The following DNAH7 variants were observed in gnomAD, a reference collection of about 807,000 sequenced individuals.
DNAH7 encodes dynein axonemal heavy chain 7, also known as axonemal beta dynein heavy chain 7.
Under a neutral mutation model 444.6 loss-of-function variants are expected in DNAH7, and 397 were observed. The ratio of observed to expected loss-of-function variants is 0.89; its 90% CI spans 0.82 to 0.97. DNAH7 has a LOEUF of 0.97. Ranked by LOEUF, DNAH7 falls within the 50% of genes least tolerant of loss-of-function variation. The pLI is 0.00. For missense variants in DNAH7, 4,902 were observed against 4,800.8 expected (o/e 1.02, Z -0.62); for synonymous variants, 1,636 against 1,624.4 (o/e 1.01, Z -0.17).
chr2:195,875,843 C>T lies in DNAH7; in HGVS notation c.6118G>A (p.Val2040Ile). The T allele has an allele frequency of 6.3e-7, 1 of 1,597,506 alleles. No homozygotes were observed. Among genetic ancestry groups the T allele is most frequent in the Non-Finnish European group, 8.5e-7 (1 of 1,174,542 alleles). The change falls in exon 38 of 65, where the codon GTT becomes ATT. Residue 2040 changes from valine to isoleucine, a missense_variant and splice_region_variant. Coordinates refer to ENST00000312428, the MANE Select transcript of DNAH7 (RefSeq NM_018897.3). ...VFGPPLGKRM[V>I]VFVDDVNMPA... Reference sequence around the variant, plus strand: ...ATATTGACATCATCTACAAAGACAACCTGAGAATGAGAAGAGAAGAGGTAC... The same window carrying T: ...ATATTGACATCATCTACAAAGACAATCTGAGAATGAGAAGAGAAGAGGTAC...
At chr2:195,945,643 G>A (rs16842717) in intron 19 of DNAH7, among the ~76,000 whole-genome samples, 24,065 of 152,072 alleles carry the variant, frequency 0.16, 2,322 homozygotes, top group African/African-American at 0.27. Flanking sequence ...CTAGATAGAG[G>A]TGAAATGCTT....
intron 48 of DNAH7, 129 bp from the exon 49 acceptor site, chr2:195,824,574 T>C: frequency 3.8e-6 from 3 of 789,634 alleles, no homozygotes; most frequent in Non-Finnish European, 5.6e-6. Context: ...AAAATTACTT[T>C]TGTCTTCTGA....
chr2:195,795,464 G>C (rs1276504312), intron 56 of DNAH7, among the ~76,000 whole-genome samples: 2 of 152,174 alleles, frequency 1.3e-5, no homozygotes, highest in Admixed American at 1.3e-4. Context: ...ATGATAAAAA[G>C]AATAGTTTTT....
intron 60 of DNAH7, among the ~76,000 whole-genome samples, chr2:195,772,231 G>A (rs1380707554): frequency 6.6e-6 from 1 of 152,214 alleles, no homozygotes; most frequent in African/African-American, 2.4e-5. Flanking sequence ...TGGTGGAGTG[G>A]CCAAGCGATG....
At chr2:195,836,754 A>G (rs1698395690) in intron 47 of DNAH7, among the ~76,000 whole-genome samples, 1 of 152,214 alleles carries the variant, frequency 6.6e-6, no homozygotes, top group Admixed American at 6.5e-5. Flanking sequence ...TTTTAGAAAT[A>G]TATTTTTAAG....
intron 46 of DNAH7, 27 bp downstream of exon 46, chr2:195,853,316 A>G: frequency 6.3e-7 from 1 of 1,595,270 alleles, no homozygotes; most frequent in Admixed American, 1.7e-5. Context: ...GCAGAGGGTC[A>G]GGAAGAGATG....
chr2:195,931,897 G>C (rs2125395112), intron 21 of DNAH7, among the ~76,000 whole-genome samples: 1 of 152,226 alleles, frequency 6.6e-6, no homozygotes, highest in East Asian at 1.9e-4. Flanking sequence ...GATTGACTTG[G>C]CAATGTGGGC....
chr2:195,771,763 T>C lies in DNAH7; in HGVS notation c.11330A>G (p.Tyr3777Cys), dbSNP rs1443573814. Residue 3777 changes from tyrosine to cysteine, a missense_variant, in exon 61 of 65, where the codon TAT becomes TGT. Transcript: ENST00000312428. ...EAAMRRYPTTYTQSMNTVLVQ... is the reference protein window; with the variant it reads ...EAAMRRYPTTCTQSMNTVLVQ... ...AAGTACAGTGTTCATGCTCTGAGTA[T>C]AAGTTGTTGGGTACCTCCTCATGGC... 2.5e-6 allele frequency: 4 copies of C among 1,614,038 alleles called. No individual in the cohort carries two copies. The highest frequency in any genetic ancestry group is 1.6e-4 in the Middle Eastern group (1 of 6,084).
intron 19 of DNAH7, among the ~76,000 whole-genome samples, chr2:195,941,723 C>T (rs1322566743): frequency 6.6e-6 from 1 of 151,968 alleles, no homozygotes; most frequent in East Asian, 1.9e-4. Context: ...CTCATTAAAC[C>T]TTTTGCACTT....
Position 195,881,814 on chromosome 2 carries a change from C to T in DNAH7, c.5942G>A (p.Gly1981Glu). Reference protein sequence around the residue: ...PSIFVGPTGTGKSVYITNFLL... With the variant: ...PSIFVGPTGTEKSVYITNFLL... Reference sequence around the variant, plus strand: ...ACTTACCGTAATGTAAACACTTTTCCCAGTTCCTGTTGGTCCTACAAATAT... The same window carrying T: ...ACTTACCGTAATGTAAACACTTTTCTCAGTTCCTGTTGGTCCTACAAATAT... Residue 1981 changes from glycine (G) to glutamate (E), a missense_variant, in exon 36 of 65, where the codon GGG becomes GAG. By Grantham distance (98) the Gly-to-Glu change is moderately conservative. Coordinates refer to ENST00000312428, the MANE Select transcript of DNAH7 (RefSeq NM_018897.3). 6.2e-7 allele frequency: 1 copy of T among 1,613,958 alleles called. No homozygotes were observed. Among genetic ancestry groups the T allele is most frequent in the Non-Finnish European group, 8.5e-7 (1 of 1,179,880 alleles).
At chr2:195,775,766 A>C (rs2105947987) in intron 60 of DNAH7, 80 bp downstream of exon 60, 3 of 1,456,812 alleles carry the variant, frequency 2.1e-6, no homozygotes, top group Non-Finnish European at 2.8e-6. Flanking sequence ...TGTGTAAGGA[A>C]GCCTGTTCAG....
intron 63 of DNAH7, among the ~76,000 whole-genome samples, chr2:195,747,584 C>T (rs1445204679): frequency 6.6e-6 from 1 of 152,170 alleles, no homozygotes; most frequent in Non-Finnish European, 1.5e-5. Flanking sequence ...CAAAAATCCT[C>T]AATAAAATAC....
intron 51 of DNAH7, among the ~76,000 whole-genome samples, chr2:195,811,330 A>C (rs1452061373): frequency 6.6e-6 from 1 of 152,192 alleles, no homozygotes; most frequent in Admixed American, 6.5e-5. Flanking sequence ...TTACAATATA[A>C]AAGCTGGAGA....
Position 195,960,272 on chromosome 2 carries a change from T to G in DNAH7, c.2879A>C (p.Glu960Ala). The part of the protein sequence containing the change: ...MRGSPFIKPY[E>A]KQMREWEGKL... ...AATATCACTTTACCTCATTTGTTTT[T>G]CATAAGGCTTAATGAAAGGAGATCC... The change falls in exon 18 of 65, where the codon GAA becomes GCA. Residue 960 changes from glutamate (E) to alanine (A), a missense_variant. Transcript: ENST00000312428. 6.2e-7 allele frequency: 1 copy of G among 1,606,314 alleles called. No homozygotes were observed. Among genetic ancestry groups the G allele is most frequent in the Non-Finnish European group, 8.5e-7 (1 of 1,176,056 alleles).
chr2:195,834,340 A>G lies in DNAH7; in HGVS notation c.8966T>C (p.Leu2989Pro). 6.3e-7 allele frequency: 1 copy of G among 1,597,508 alleles called. No individual in the cohort carries two copies. The change falls in exon 48 of 65, where the codon CTG becomes CCG. Residue 2989 changes from leucine to proline, a missense_variant. Coordinates refer to ENST00000312428, the MANE Select transcript of DNAH7 (RefSeq NM_018897.3). ...IIIMNARRWPLMIDPQSQANK... is the reference protein window; with the variant it reads ...IIIMNARRWPPMIDPQSQANK... ...AGCCTGACTTTGAGGATCTATCATC[A>G]GAGGCCACCTTCTTGCATTCCTGAA... is the stretch of plus-strand genomic sequence containing the variant.
chr2:196,022,382 T>A (rs1188237925), intron 8 of DNAH7, among the ~76,000 whole-genome samples: 1 of 152,210 alleles, frequency 6.6e-6, no homozygotes, highest in African/African-American at 2.4e-5. Flanking sequence ...CAACTAGAAC[T>A]TCTTTCAAAA....
chr2:195,850,857 G>T (rs1699321679), intron 46 of DNAH7, among the ~76,000 whole-genome samples: 1 of 152,176 alleles, frequency 6.6e-6, no homozygotes, highest in Non-Finnish European at 1.5e-5. Context: ...AAGTTCTGCA[G>T]CAGGTGGCCT....
chr2:195,831,795 T>C (rs1574513965), intron 48 of DNAH7, among the ~76,000 whole-genome samples: 2 of 152,312 alleles, frequency 1.3e-5, no homozygotes, highest in East Asian at 3.9e-4. Flanking sequence ...CTGGCTTAAT[T>C]AGCATATAGT....
In DNAH7 at chr2:196,068,755, C is replaced by G. The variant is rs769827731; in HGVS notation, c.-44G>C. The stretch of plus-strand genomic sequence containing the variant: ...GCCTCACCGGTGCTTCTGGGTTGCT[C>G]CTGCCCGCGGAACCCCTAGGACGAT... On this transcript the variant is annotated 5_prime_UTR_variant, in exon 1 of 65. Transcript: ENST00000312428. The G allele has an allele frequency of 3.9e-6, 6 of 1,549,010 alleles. No individual in the cohort carries two copies. The African/African-American group carries it at 5.5e-5, about 14-fold the overall frequency.
Sources: allele counts gnomAD v4.1 joint callset (sites outside exome capture counted in the v4.1 genomes callset), GRCh38; gene constraint gnomAD v4.1.1; transcripts MANE v1.5; gene names NCBI Gene and HGNC (gene_info 2026-07-23, HGNC 2026-07-21).